TBXT: variants seen among roughly 807,000 people sequenced by gnomAD.
TBXT encodes the protein T-box transcription factor T, also known as T brachyury transcription factor.
Under a neutral mutation model 41.1 loss-of-function variants are expected in TBXT, and 19 were observed. The ratio of observed to expected loss-of-function variants is 0.46; its 90% CI spans 0.32 to 0.68. The LOEUF is 0.68. Ranked by LOEUF, TBXT falls within the 30% of genes least tolerant of loss-of-function variation. TBXT has a pLI of 0.03. For synonymous variants in TBXT, 213 were observed against 238.9 expected (o/e 0.89, Z 1.00); for missense variants, 536 against 582.0 (o/e 0.92, Z 0.81).
chr6:166,159,533 A>C (rs1422633575), intron 7 of TBXT, among the ~76,000 whole-genome samples: 2 of 152,196 alleles, frequency 1.3e-5, no homozygotes, highest in Non-Finnish European at 2.9e-5. Flanking sequence ...GTCACATTAC[A>C]CTTTGCCTGA....
intron 6 of TBXT, 134 bp from the exon 7 acceptor site, chr6:166,161,100 A>C: frequency 8.3e-7 from 1 of 1,198,906 alleles, no homozygotes; most frequent in Non-Finnish European, 1.2e-6. Flanking sequence ...AACTGTAGAA[A>C]ACAATCCATT....
intron 5 of TBXT, among the ~76,000 whole-genome samples, chr6:166,163,507 C>T (rs549425825): frequency 6.6e-6 from 1 of 152,256 alleles, no homozygotes; most frequent in African/African-American, 2.4e-5. Flanking sequence ...CCTCAGCCTC[C>T]CAAGTAGCTG....
Position 166,162,630 on chromosome 6 carries a change from G to C in TBXT, c.731-7C>G. On this transcript the variant is annotated splice_region_variant and splice_polypyrimidine_tract_variant and intron_variant, in intron 5 of 7. Coordinates refer to ENST00000366876, the MANE Select transcript of TBXT (RefSeq NM_001366285.2). Reference sequence around the variant, plus strand: ...GGAAGAAGCCACCCCCCTGCTGTGAGAAAAGACAGTGCTGAGTAACCTGCA... The same window carrying C: ...GGAAGAAGCCACCCCCCTGCTGTGACAAAAGACAGTGCTGAGTAACCTGCA... 6.2e-7 allele frequency: 1 copy of C among 1,608,008 alleles called. No individual in the cohort carries two copies. The highest frequency in any genetic ancestry group is 2.2e-5 in the East Asian group (1 of 44,736).
chr6:166,162,487 T>C lies in TBXT; in HGVS notation c.867A>G (p.Ser289=), dbSNP rs1778988432. 6.2e-7 allele frequency: 1 copy of C among 1,613,880 alleles called. No individual in the cohort carries two copies. Among genetic ancestry groups the C allele is most frequent in the African/African-American group, 1.3e-5 (1 of 74,862 alleles). Residue 289 remains serine (S), a synonymous_variant, in exon 6 of 8, where the codon TCA becomes TCG. Transcript: ENST00000366876. ...RYPTLRSHRS[S]PYPSPYAHRN... ...GATGAGCATAGGGGCTGGGGTAGGG[T>C]GAGGACCGGTGGCTCCTCAGGGTTG...
chr6:166,166,979 G>A (rs1779137705), intron 1 of TBXT, 123 bp from the exon 2 acceptor site: 3 of 1,525,376 alleles, frequency 2.0e-6, no homozygotes, highest in African/African-American at 1.4e-5. Context: ...GAACGTCCGA[G>A]GGTGACTCCC....
At chr6:166,160,294 AG>A (rs773475958) in intron 7 of TBXT, among the ~76,000 whole-genome samples, 38 of 152,338 alleles carry the variant, frequency 2.5e-4, no homozygotes, top group East Asian at 1.3e-3. Context: ...CCAGTTACCT[AG>A]CACATATATT....
chr6:166,165,821 T>C lies in TBXT; in HGVS notation c.491A>G (p.His164Arg), dbSNP rs1256659106. 8 of 1,614,102 alleles carry C rather than the reference T, an allele frequency of 5.0e-6. No homozygotes were observed. Among genetic ancestry groups the C allele is most frequent in the South Asian group, 2.2e-5 (2 of 91,084 alleles). ...TATGTGGATTCGAGGCTCATACTTA[T>C]GCAAGGAGTTCAGCATGATCTGAGG... is the stretch of plus-strand genomic sequence containing the variant. The part of the protein sequence containing the change: ...GGGQIMLNSL[H>R]KYEPRIHIVR... Residue 164 changes from histidine (H) to arginine (R), a missense_variant, in exon 3 of 8, where the codon CAT (histidine) becomes CGT (arginine). By Grantham distance (29) the His-to-Arg change is conservative (BLOSUM62 0). Transcript: ENST00000366876.
At chr6:166,164,081 G>A (rs532717744) in intron 5 of TBXT, among the ~76,000 whole-genome samples, 134 of 152,272 alleles carry the variant, frequency 8.8e-4, no homozygotes, top group African/African-American at 2.0e-3. Context: ...AAATGCTGCC[G>A]TATAATCCTC....
intron 1 of TBXT, 141 bp downstream of exon 1, chr6:166,167,245 G>T: frequency 1.0e-6 from 1 of 975,472 alleles, no homozygotes; most frequent in Non-Finnish European, 1.5e-6. Flanking sequence ...AAATGCACTC[G>T]AGGGAGTTAA....
chr6:166,166,721 C>T lies in TBXT; in HGVS notation c.342G>A (p.Lys114=). ...CGCAGCTGGGCGCCTGCGGCTCCGG[C>T]TTGCCCCCCGGCACCCATTCCCCGT... The part of the protein sequence containing the change: ...YVNGEWVPGG[K]PEPQAPSCVY... Residue 114 remains lysine (K), a synonymous_variant, in exon 2 of 8, where the codon AAG becomes AAA. Coordinates refer to ENST00000366876, the MANE Select transcript of TBXT (RefSeq NM_001366285.2). 6.2e-7 allele frequency: 1 copy of T among 1,613,784 alleles called. No individual in the cohort carries two copies. The highest frequency in any genetic ancestry group is 8.5e-7 in the Non-Finnish European group (1 of 1,180,048).
At chr6:166,161,058 T>A (rs1778941829) in intron 6 of TBXT, 92 bp from the exon 7 acceptor site, 1 of 1,527,776 alleles carries the variant, frequency 6.5e-7, no homozygotes, top group African/African-American at 1.4e-5. Flanking sequence ...TGAAGCTACG[T>A]AACACTGAAA....
At chr6:166,162,932 A>G (rs973485663) in intron 5 of TBXT, among the ~76,000 whole-genome samples, 1 of 152,178 alleles carries the variant, frequency 6.6e-6, no homozygotes, top group Admixed American at 6.5e-5. Context: ...CATACTTAGG[A>G]CACAGTCTGC....
chr6:166,166,736 C>A lies in TBXT; in HGVS notation c.327G>T (p.Trp109Cys), dbSNP rs747562377. The A allele has an allele frequency of 1.2e-6, 2 of 1,613,830 alleles. No individual in the cohort carries two copies. Among genetic ancestry groups the A allele is most frequent in the Non-Finnish European group, 8.5e-7 (1 of 1,180,054 alleles). The change falls in exon 2 of 8, where the codon TGG becomes TGT. Residue 109 changes from tryptophan to cysteine, a missense_variant. Transcript: ENST00000366876. ...NHRWKYVNGE[W>C]VPGGKPEPQA... ...GCGGCTCCGGCTTGCCCCCCGGCACCCATTCCCCGTTCACGTACTTCCAGC... is the reference window on the plus strand; with the variant it reads ...GCGGCTCCGGCTTGCCCCCCGGCACACATTCCCCGTTCACGTACTTCCAGC...
rs1348863651 is a variant in TBXT, at chr6:166,162,593, G to A, written c.761C>T (p.Thr254Ile). ...SGGWLLPGTS[T>I]LCPPANPHPQ... ...ATGAGGATTTGCAGGTGGACACAGG[G>A]TGCTGGTTCCAGGAAGAAGCCACCC... The change falls in exon 6 of 8, where the codon ACC becomes ATC. Residue 254 changes from threonine (T) to isoleucine (I), a missense_variant. Coordinates refer to ENST00000366876, the MANE Select transcript of TBXT (RefSeq NM_001366285.2). 1 of 1,613,970 alleles carries A rather than the reference G, an allele frequency of 6.2e-7. No individual in the cohort carries two copies. Among genetic ancestry groups the A allele is most frequent in the Non-Finnish European group, 8.5e-7 (1 of 1,179,924 alleles).
chr6:166,164,228 T>C (rs796585890), intron 5 of TBXT, among the ~76,000 whole-genome samples: 4 of 152,312 alleles, frequency 2.6e-5, no homozygotes, highest in African/African-American at 9.6e-5. Flanking sequence ...CTAAGCATCA[T>C]TGGAAAGATG....
chr6:166,160,462 C>T (rs1778920071), intron 7 of TBXT, among the ~76,000 whole-genome samples: 1 of 152,282 alleles, frequency 6.6e-6, no homozygotes, highest in South Asian at 2.1e-4. Flanking sequence ...TATTTTTTTA[C>T]CACCTTCCTT....
chr6:166,168,444 T>G (rs1323752140), upstream of TBXT: 2 of 152,234 alleles, frequency 1.3e-5, no homozygotes, highest in Non-Finnish European at 2.9e-5. Context: ...GCGCCTCCGA[T>G]GCCTCAACTC....
At position 166,167,690 on chromosome 6, in the gene TBXT, G is replaced by A; in HGVS notation, c.-99C>T. On this transcript the variant is annotated 5_prime_UTR_variant, in exon 1 of 8. Transcript: ENST00000366876. Reference sequence around the variant, plus strand: ...TGGCCGCCGCCCTTCCGAGAAAAGGGGCCCCTTGGACCGAGACCTGCGACG... The same window carrying A: ...TGGCCGCCGCCCTTCCGAGAAAAGGAGCCCCTTGGACCGAGACCTGCGACG... The A allele has an allele frequency of 6.7e-7, 1 of 1,497,096 alleles. No homozygotes were observed. The highest frequency in any genetic ancestry group is 9.0e-7 in the Non-Finnish European group (1 of 1,114,274). 92.7% of individuals were successfully genotyped at this position (1,497,096 alleles called of 1,614,324 possible). A position where few individuals can be genotyped will look rare whatever the true frequency, so the allele number is the denominator to read the frequency against.
chr6:166,162,769 AGAGCCCAGGCCAGGGAC>A (rs1778998647), intron 5 of TBXT, 146 bp from the exon 6 acceptor site: 1 of 478,436 alleles, frequency 2.1e-6, no homozygotes, highest in Non-Finnish European at 4.0e-6. Context: ...TCCAGAGAGC[AGAGCCCAGGCCAGGGAC>A]TCTCCCTCCA....
Sources: gnomAD v4.1 joint callset for allele counts (sites outside exome capture counted in the v4.1 genomes callset) on GRCh38, gnomAD v4.1.1 for gene constraint, MANE v1.5 for transcripts, NCBI Gene and HGNC (gene_info 2026-07-23, HGNC 2026-07-21) for gene names.